PSME3: variants seen among roughly 807,000 people sequenced by gnomAD.
PSME3 encodes the protein proteasome activator subunit 3.
In PSME3, 7 loss-of-function variants were observed where a neutral mutation model predicts 38.3. The observed-to-expected ratio is 0.18, with a 90% confidence interval of 0.10 to 0.34. The LOEUF (loss-of-function observed/expected upper bound fraction) is 0.34. Ranked by LOEUF, PSME3 falls within the 10% of genes least tolerant of loss-of-function variation. PSME3 has a pLI of 1.00. For missense variants in PSME3, 192 were observed against 307.6 expected, an observed-to-expected ratio of 0.62 and a Z score of 2.81; for synonymous variants, 108 against 105.7, an observed-to-expected ratio of 1.02 and a Z score of -0.13.
intron 6 of PSME3, 70 bp from the exon 7 acceptor site, chr17:42,838,661 G>A: frequency 7.1e-7 from 1 of 1,412,842 alleles, no homozygotes; most frequent in South Asian, 1.2e-5. Context: ...TCTGGCTCCA[G>A]CCGTCTGAAT....
chr17:42,834,325 C>T lies in PSME3; in HGVS notation c.43-19C>T. On this transcript the variant is annotated intron_variant, in intron 1 of 10. Transcript: ENST00000590720. ...ACCTCTGTCCCCAGGTACTGAATTG[C>T]TCTCTTTGTTAATTTTAGGTTGATT... 1 of 1,614,104 alleles carries T rather than the reference C, an allele frequency of 6.2e-7. No individual in the cohort carries two copies. Among genetic ancestry groups the T allele is most frequent in the Non-Finnish European group, 8.5e-7 (1 of 1,180,004 alleles).
rs1345477359 is a variant in PSME3 at position 42,839,027 on chromosome 17, G to T, written c.542+15G>T. 1 of 1,613,942 alleles carries T rather than the reference G, an allele frequency of 6.2e-7. No homozygotes were observed. ...CAGATTTCTAGGTAGGGCTGCTTGG[G>T]CTTGGCCGAGGCGTTGGGGGCTGAT... On this transcript the variant is annotated intron_variant, in intron 8 of 10. Transcript: ENST00000590720.
chr17:42,839,281 A>G lies in PSME3; in HGVS notation c.598-13A>G, dbSNP rs748409378. 1 of 1,606,684 alleles carries G rather than the reference A, an allele frequency of 6.2e-7. No individual in the cohort carries two copies. Among genetic ancestry groups the G allele is most frequent in the East Asian group, 2.2e-5 (1 of 44,826 alleles). Reference sequence around the variant, plus strand: ...GCTTTGGGGACTAGCTTTTTCCTGTACCCTCCTTGCAGGAGGACTATCGCC... The same window carrying G: ...GCTTTGGGGACTAGCTTTTTCCTGTGCCCTCCTTGCAGGAGGACTATCGCC... On this transcript the variant is annotated splice_polypyrimidine_tract_variant and intron_variant, in intron 9 of 10. Transcript: ENST00000590720.
At chr17:42,841,039 AGG>A (rs2055525822) in intron 10 of PSME3, among the ~76,000 whole-genome samples, 1 of 151,322 alleles carries the variant, frequency 6.6e-6, no homozygotes, top group African/African-American at 2.4e-5. Context: ...TGGCTGAGGC[AGG>A]AGAATGGCAT....
At chr17:42,835,015 T>A in intron 4 of PSME3, 139 bp downstream of exon 4, 1 of 1,186,632 alleles carries the variant, frequency 8.4e-7, no homozygotes. Context: ...ATGATGACTC[T>A]AGTATAGTTC....
chr17:42,839,342 A>G lies in PSME3; in HGVS notation c.646A>G (p.Ser216Gly). The stretch of plus-strand genomic sequence containing the variant: ...AGAGATTGATGAGAAAGAATATATC[A>G]GCCTTCGGCTCATCATATCAGAGCT... ...VTEIDEKEYI[S>G]LRLIISELRN... is the part of the protein sequence containing the mutation. The change falls in exon 10 of 11, where the codon AGC becomes GGC. Residue 216 changes from serine (S) to glycine (G), a missense_variant. Physicochemically the swap from Ser to Gly is moderately conservative, Grantham distance 56 (BLOSUM62 0). Around this residue, in one of 2 missense-constraint regions of PSME3, gnomAD observed 82 missense variants for 168.2 expected, o/e 0.49. Transcript: ENST00000590720. The G allele has an allele frequency of 6.2e-7, 1 of 1,613,478 alleles. No individual in the cohort carries two copies. Among genetic ancestry groups the G allele is most frequent in the Non-Finnish European group, 8.5e-7 (1 of 1,179,634 alleles).
chr17:42,836,161 C>T (rs574243131), intron 4 of PSME3, among the ~76,000 whole-genome samples: 132 of 152,118 alleles, frequency 8.7e-4, no homozygotes, highest in Admixed American at 2.5e-3. Flanking sequence ...CACACCACCA[C>T]GCCCAGCCAA....
At chr17:42,838,603 C>A in intron 6 of PSME3, 128 bp from the exon 7 acceptor site, 2 of 906,432 alleles carry the variant, frequency 2.2e-6, no homozygotes, top group Non-Finnish European at 3.5e-6. Flanking sequence ...CCGGCATGAG[C>A]CACCATGCCT....
intron 4 of PSME3, among the ~76,000 whole-genome samples, chr17:42,837,326 G>A (rs2055475085): frequency 6.6e-6 from 1 of 152,128 alleles, no homozygotes; most frequent in Admixed American, 6.6e-5. Context: ...TGGGATTACA[G>A]GCATGAACCA....
Position 42,835,827 on chromosome 17 carries a change from T to C in PSME3, c.243+951T>C, listed in dbSNP as rs562463500. 2.6e-5 allele frequency among the ~76,000 whole-genome samples: 4 copies of C among 152,318 alleles called. No individual in the cohort carries two copies. The East Asian group carries it at 5.8e-4, about 22-fold the overall frequency. On this transcript the variant is annotated intron_variant, in intron 4 of 10. Coordinates refer to ENST00000590720, the MANE Select transcript of PSME3 (RefSeq NM_005789.4). ...TGTTTGCATGTCTTGAGTAGTGTTA[T>C]GGGATATGCAGTTCTCGCTATGTAA...
At position 42,838,095 on chromosome 17, in the gene PSME3, A is replaced by G. The variant is rs2055485782; in HGVS notation, c.295A>G (p.Thr99Ala). The G allele has an allele frequency of 6.2e-7, 1 of 1,614,014 alleles. No homozygotes were observed. The highest frequency in any genetic ancestry group is 8.5e-7 in the Non-Finnish European group (1 of 1,180,020). ...TTTGACCTTCACATCTCTGCCAGGA[A>G]CCAAGGTGTTTGTGATGCCCAATGG... ...LDECEEAFQG[T>A]KVFVMPNGML... The change falls in exon 6 of 11, where the codon ACC (threonine) becomes GCC (alanine). Residue 99 changes from threonine (T) to alanine (A), a missense_variant and splice_region_variant. Transcript: ENST00000590720.
Position 42,839,385 on chromosome 17 carries a change from G to A in PSME3, c.684+5G>A. 6.3e-7 allele frequency: 1 copy of A among 1,589,274 alleles called. No individual in the cohort carries two copies. Among genetic ancestry groups the A allele is most frequent in the Non-Finnish European group, 8.6e-7 (1 of 1,158,574 alleles). On this transcript the variant is annotated splice_donor_5th_base_variant and intron_variant, in intron 10 of 10. Transcript: ENST00000590720. ...TCAGAGCTGAGGAATCAATATGTGA[G>A]TAATCTCAGTCCTTGTCCATAGTTG...
At chr17:42,836,682 C>T (rs2055467868) in intron 4 of PSME3, among the ~76,000 whole-genome samples, 1 of 151,722 alleles carries the variant, frequency 6.6e-6, no homozygotes, top group African/African-American at 2.4e-5. Flanking sequence ...ACCTCAGCCT[C>T]CCAGGTAGCT....
chr17:42,834,254 A>G (rs1217830396), intron 1 of PSME3, 90 bp from the exon 2 acceptor site: 1 of 1,604,064 alleles, frequency 6.2e-7, no homozygotes, highest in East Asian at 2.2e-5. Flanking sequence ...TTACAGTTAC[A>G]AGGTGAGGGA....
rs1340401714 is a variant in PSME3, at chr17:42,834,839, C to G, written c.206C>G (p.Pro69Arg). The change falls in exon 4 of 11, where the codon CCC becomes CGC. Residue 69 changes from proline to arginine, a missense_variant. Physicochemically the swap from Pro to Arg is moderately radical, Grantham distance 103. Transcript: ENST00000590720. ...GACATGAATCTCCCAGTCCCTGACC[C>G]CATTCTTCTCACCAATAGCCATGAT... ...HSDMNLPVPD[P>R]ILLTNSHDGL... The G allele has an allele frequency of 6.2e-7, 1 of 1,613,846 alleles. No homozygotes were observed. Among genetic ancestry groups the G allele is most frequent in the Non-Finnish European group, 8.5e-7 (1 of 1,179,950 alleles).
chr17:42,834,913 G>C, intron 4 of PSME3, 37 bp downstream of exon 4: 1 of 1,611,258 alleles, frequency 6.2e-7, no homozygotes, highest in Non-Finnish European at 8.5e-7. Flanking sequence ...TTCTTGAGCA[G>C]TAGGTCCTCT....
In PSME3 at chr17:42,838,811, GA is replaced by G. The variant is rs1429521690; in HGVS notation, c.474+14del. 1.9e-6 allele frequency: 3 copies of G among 1,587,324 alleles called. No individual in the cohort carries two copies. Among genetic ancestry groups the G allele is most frequent in the Non-Finnish European group, 2.6e-6 (3 of 1,155,786 alleles). ...GGGTGTCCATTCAGGTAATGTACTTGAATTACATACTGGGAAGAGTGGCTTG... is the reference window on the plus strand; with the variant it reads ...GGGTGTCCATTCAGGTAATGTACTTGATTACATACTGGGAAGAGTGGCTTG... On this transcript the variant is annotated intron_variant, in intron 7 of 10. Coordinates refer to ENST00000590720, the MANE Select transcript of PSME3 (RefSeq NM_005789.4).
In PSME3 at chr17:42,841,662, G is replaced by C. The variant is rs1417543079; in HGVS notation, c.*84G>C. On this transcript the variant is annotated 3_prime_UTR_variant, in exon 11 of 11. Coordinates refer to ENST00000590720, the MANE Select transcript of PSME3 (RefSeq NM_005789.4). ...TTTGTTACATGACTATCGTGATGGG[G>C]AAACTGGCTGGAAATAGTAATCACA... is the stretch of plus-strand genomic sequence containing the variant. The C allele has an allele frequency of 2.2e-6, 2 of 892,996 alleles. No individual in the cohort carries two copies. Among genetic ancestry groups the C allele is most frequent in the African/African-American group, 3.4e-5 (2 of 58,242 alleles). 55.3% of individuals were successfully genotyped at this position (892,996 alleles called of 1,614,324 possible). A position where few individuals can be genotyped will look rare whatever the true frequency, so the allele number is the denominator to read the frequency against.
chr17:42,834,644 A>T, intron 3 of PSME3, 67 bp downstream of exon 3: 1 of 1,605,242 alleles, frequency 6.2e-7, no homozygotes, highest in Non-Finnish European at 8.5e-7. Flanking sequence ...GTCAACTGGG[A>T]TAAACTGTTG....
Sources: gnomAD v4.1 joint callset for allele counts (sites outside exome capture counted in the v4.1 genomes callset) on GRCh38, gnomAD v4.1.1 for gene constraint, gnomAD v4.1.1 regional missense constraint, MANE v1.5 for transcripts, NCBI Gene and HGNC (gene_info 2026-07-23, HGNC 2026-07-21) for gene names.